ITGAE: variants seen among roughly 807,000 people sequenced by gnomAD.
ITGAE encodes integrin alpha-E.
ITGAE carries 99 observed loss-of-function variants against 136.5 expected under a neutral mutation model. The observed-to-expected ratio is 0.73, with a 90% CI of 0.62 to 0.86. The LOEUF (loss-of-function observed/expected upper bound fraction) is 0.86. ITGAE is among the 40% of genes least tolerant of loss of function. The pLI is 0.00. For missense variants in ITGAE, 1,447 were observed against 1,515.3 expected (o/e 0.95, Z 0.75); for synonymous variants, 613 against 591.8 (o/e 1.04, Z -0.52).
intron 14 of ITGAE, among the ~76,000 whole-genome samples, chr17:3,752,276 C>T (rs1402477560): frequency 6.6e-6 from 1 of 152,220 alleles, no homozygotes; most frequent in Non-Finnish European, 1.5e-5. Flanking sequence ...AATGGGAGGC[C>T]TGGGTTTCAC....
intron 15 of ITGAE, 125 bp downstream of exon 15, chr17:3,751,525 T>A: frequency 1.2e-6 from 1 of 802,704 alleles, no homozygotes; most frequent in Non-Finnish European, 2.0e-6. Context: ...TTTCTTTCAC[T>A]GGGCATTCCC....
Position 3,759,546 on chromosome 17 carries a change from A to G in ITGAE, c.722T>C (p.Phe241Ser), listed in dbSNP as rs375922702. 9.3e-6 allele frequency: 15 copies of G among 1,609,892 alleles called. No individual in the cohort carries two copies. In the East Asian group the frequency reaches 1.3e-4, roughly 14 times the overall value. ...NFYEKCFECN[F>S]ALVQYGGVIQ... ...CACTCCTCCATACTGCACCAAGGCA[A>G]AGTTGCACTGCAGGGGATGGGCAGG... Residue 241 changes from phenylalanine to serine, a missense_variant, in exon 8 of 31, where the codon TTT becomes TCT. Physicochemically the swap from Phe to Ser is radical, Grantham distance 155. Around this residue, in one of 3 missense-constraint regions of ITGAE, gnomAD observed 310 missense variants for 416.1 expected, o/e 0.74. Coordinates refer to ENST00000263087, the MANE Select transcript of ITGAE (RefSeq NM_002208.5).
At chr17:3,725,368 G>C (rs765245502) in intron 26 of ITGAE, 3 of 1,614,240 alleles carry the variant, frequency 1.9e-6, no homozygotes, top group Non-Finnish European at 2.5e-6. Context: ...TTTAGCCATT[G>C]CCTTCCCACA....
rs201563523 is a variant in ITGAE at position 3,750,352 on chromosome 17, C to T, written c.2024G>A (p.Arg675His). 38 of 1,613,846 alleles carry T rather than the reference C, an allele frequency of 2.4e-5. No homozygotes were observed. The highest frequency in any genetic ancestry group is 1.6e-4 in the Middle Eastern group (1 of 6,062). ...VGTLGQAVVFRSRPVVRLKVS... is the reference protein window; with the variant it reads ...VGTLGQAVVFHSRPVVRLKVS... ...CCCAGAAAGCAGGACAGAACCCTAC[C>T]GGAACACAACCGCCTGGCCCAGAGT... The change falls in exon 16 of 31, where the codon CGC becomes CAC. Residue 675 changes from arginine (R) to histidine (H), a missense_variant and splice_region_variant. This residue lies in a region of ITGAE where 1,031 missense variants were observed against 1,011.4 expected (regional missense o/e 1.02). Transcript: ENST00000263087.
intron 1 of ITGAE, among the ~76,000 whole-genome samples, chr17:3,796,222 T>C (rs946787902): frequency 1.3e-5 from 2 of 148,588 alleles, no homozygotes; most frequent in Non-Finnish European, 3.0e-5. Context: ...TTTGCTGGGC[T>C]TTCCCTGAGA....
chr17:3,790,679 A>G (rs2052916404), intron 1 of ITGAE, among the ~76,000 whole-genome samples: 1 of 152,128 alleles, frequency 6.6e-6, no homozygotes, highest in Admixed American at 6.6e-5. Flanking sequence ...CACCAAGAGG[A>G]AGCAAACACA....
intron 23 of ITGAE, among the ~76,000 whole-genome samples, chr17:3,730,079 C>T (rs978579566): frequency 6.6e-6 from 1 of 152,170 alleles, no homozygotes; most frequent in African/African-American, 2.4e-5. Flanking sequence ...TGTGCTGTTC[C>T]CCTCCCTGTG....
rs992421649 is a variant in ITGAE, at chr17:3,727,514, C to T, written c.3084+405G>A. 1.2e-3 allele frequency among the ~76,000 whole-genome samples: 188 copies of T among 152,056 alleles called. 3 individuals are homozygous for T. Among genetic ancestry groups the T allele is most frequent in the Non-Finnish European group, 2.4e-4 (16 of 67,964 alleles). On this transcript the variant is annotated intron_variant, in intron 26 of 30. Coordinates refer to ENST00000263087, the MANE Select transcript of ITGAE (RefSeq NM_002208.5). ...TCCCGGGCTCACACCATTCTCCTGCCTCAGCCTCCCAAGTAGCTGGGACTA... is the reference window on the plus strand; with the variant it reads ...TCCCGGGCTCACACCATTCTCCTGCTTCAGCCTCCCAAGTAGCTGGGACTA...
At chr17:3,789,027 C>T (rs1317390710) in intron 1 of ITGAE, among the ~76,000 whole-genome samples, 2 of 151,930 alleles carry the variant, frequency 1.3e-5, no homozygotes, top group Admixed American at 6.6e-5. Flanking sequence ...GGGAGGATCA[C>T]TTACACTCGG....
At chr17:3,740,451 A>G (rs1243641482) in intron 19 of ITGAE, among the ~76,000 whole-genome samples, 1 of 152,194 alleles carries the variant, frequency 6.6e-6, no homozygotes, top group African/African-American at 2.4e-5. Context: ...ATCTCGGCTC[A>G]CTGCCATCTC....
At position 3,733,734 on chromosome 17, in the gene ITGAE, T is replaced by C. The variant is rs532709827; in HGVS notation, c.2655+1083A>G. Among the ~76,000 whole-genome samples, 5 of 152,360 alleles carry C rather than the reference T, an allele frequency of 3.3e-5. No homozygotes were observed. The East Asian group carries it at 9.6e-4, about 29-fold the overall frequency. On this transcript the variant is annotated intron_variant, in intron 21 of 30. Coordinates refer to ENST00000263087, the MANE Select transcript of ITGAE (RefSeq NM_002208.5). ...CTGCACCCATCCAAAAACTACACTA[T>C]TGTGTGTATCACTGAACAATGGAAA... is the stretch of plus-strand genomic sequence containing the variant.
intron 22 of ITGAE, 118 bp from the exon 23 acceptor site, chr17:3,731,301 C>A: frequency 4.4e-6 from 3 of 681,610 alleles, no homozygotes; most frequent in Non-Finnish European, 7.7e-6. Context: ...ACATTCCTCA[C>A]ATTTTTCTAA....
At chr17:3,754,755 TC>T (rs1431199069) in intron 12 of ITGAE, 2 of 321,286 alleles carry the variant, frequency 6.2e-6, no homozygotes, top group Non-Finnish European at 1.2e-5. Context: ...AGCCTCGGTG[TC>T]CCCATCTCGG....
chr17:3,754,657 A>G, intron 12 of ITGAE: 1 of 203,218 alleles, frequency 4.9e-6, no homozygotes, highest in Non-Finnish European at 1.0e-5. Flanking sequence ...ACTCAGCCTC[A>G]CGGTCCCTAA....
intron 29 of ITGAE, among the ~76,000 whole-genome samples, 161 bp downstream of exon 29, chr17:3,720,143 TAAG>T (rs2051020291): frequency 6.6e-6 from 1 of 152,160 alleles, no homozygotes; most frequent in Non-Finnish European, 1.5e-5. Context: ...CCTTATTTCA[TAAG>T]AAGCTGACTC....
Position 3,753,845 on chromosome 17 carries a change from C to CG in ITGAE, c.1464dup (p.Val489ArgfsTer3). 6.2e-7 allele frequency: 1 copy of CG among 1,614,174 alleles called. No individual in the cohort carries two copies. Among genetic ancestry groups the CG allele is most frequent in the Non-Finnish European group, 8.5e-7 (1 of 1,180,014 alleles). On this transcript the variant is annotated frameshift_variant, in exon 13 of 31. Transcript: ENST00000263087. LOFTEE classifies it high-confidence loss of function. ...CTGCCCTCCTTCTGGAGCTCAAACA[C>CG]GGCCCCATGATGTTTGTACCGTGGA...
chr17:3,793,235 G>A (rs958611669), intron 1 of ITGAE, among the ~76,000 whole-genome samples: 1 of 152,052 alleles, frequency 6.6e-6, no homozygotes, highest in Non-Finnish European at 1.5e-5. Context: ...TGTATTTTTA[G>A]TAGAGATGGG....
rs186636209 is a variant in ITGAE, at chr17:3,716,789, C to A, written c.3343G>T (p.Val1115Phe). The A allele has an allele frequency of 1.4e-4, 216 of 1,571,124 alleles. 1 individual carries two copies. In the Admixed American group the frequency reaches 2.7e-3, roughly 19 times the overall value. The change falls in exon 30 of 31, where the codon GTC becomes TTC. Residue 1115 changes from valine to phenylalanine, a missense_variant. Physicochemically the swap from Val to Phe is conservative, Grantham distance 50. Around this residue, in one of 3 missense-constraint regions of ITGAE, gnomAD observed 1,031 missense variants for 1,011.4 expected, o/e 1.02. Transcript: ENST00000263087. ...AENHRTKITV[V>F]FLKDEKYHSL... ...TGGTACTTCTCATCTTTCAGGAAGA[C>A]GACAGTGATCTAGACAAGACAAAGA...
chr17:3,754,938 A>G (rs188775570), intron 12 of ITGAE, among the ~76,000 whole-genome samples, 179 bp downstream of exon 12: 3,580 of 19,342 alleles, frequency 0.19, 175 homozygotes, highest in African/African-American at 0.31. Flanking sequence ...CCCAGGCCCC[A>G]CCCTCGCCCA....
Sources: allele counts gnomAD v4.1 joint callset (sites outside exome capture counted in the v4.1 genomes callset), GRCh38; gene constraint gnomAD v4.1.1; regional missense constraint gnomAD v4.1.1; transcripts MANE v1.5; gene names NCBI Gene and HGNC (gene_info 2026-07-23, HGNC 2026-07-21).